CNTN5: variants seen among roughly 807,000 people sequenced by gnomAD.
CNTN5 encodes contactin 5.
CNTN5 carries 77 observed loss-of-function variants against 129.1 expected under a neutral mutation model. The ratio of observed to expected loss-of-function variants is 0.60; its 90% CI spans 0.50 to 0.72. The LOEUF is 0.72. Ranked by LOEUF, CNTN5 falls within the 30% of genes least tolerant of loss-of-function variation. The pLI is 0.00. For missense variants in CNTN5, 1,478 were observed against 1,328.8 expected (o/e 1.11, Z -1.75); for synonymous variants, 509 against 465.6 (o/e 1.09, Z -1.20).
intron 6 of CNTN5, among the ~76,000 whole-genome samples, chr11:99,858,133 G>A (rs1043537136): frequency 2.0e-5 from 3 of 151,910 alleles, no homozygotes; most frequent in African/African-American, 4.8e-5. Context: ...TTTATGTCAC[G>A]CCTCTTAATA....
intron 2 of CNTN5, among the ~76,000 whole-genome samples, chr11:99,505,544 G>A (rs1056299557): frequency 2.6e-5 from 4 of 152,148 alleles, no homozygotes; most frequent in African/African-American, 7.2e-5. Context: ...GGCCCAAATA[G>A]CAATGTTAGA....
intron 23 of CNTN5, among the ~76,000 whole-genome samples, chr11:100,349,844 G>A (rs1952365536): frequency 6.6e-6 from 1 of 151,790 alleles, no homozygotes; most frequent in Non-Finnish European, 1.5e-5. Flanking sequence ...TAGCTCTGAA[G>A]TGATGATCAA....
chr11:99,796,892 C>T (rs1258934606), intron 3 of CNTN5, among the ~76,000 whole-genome samples: 4 of 152,020 alleles, frequency 2.6e-5, no homozygotes, highest in East Asian at 1.9e-4. Context: ...CTCTGGAGGT[C>T]GTGTGGTCTT....
chr11:100,261,612 G>A (rs984583353), intron 17 of CNTN5, among the ~76,000 whole-genome samples: 2 of 152,084 alleles, frequency 1.3e-5, no homozygotes, highest in Admixed American at 6.6e-5. Flanking sequence ...ACCGACCAAT[G>A]GAGCAGAACA....
chr11:99,203,998 A>G (rs78802700), intron 1 of CNTN5, among the ~76,000 whole-genome samples: 533 of 152,350 alleles, frequency 3.5e-3, no homozygotes, highest in African/African-American at 0.012. Flanking sequence ...CATGACTTGA[A>G]AAGATTATAA....
chr11:99,861,248 C>T (rs1472582745), intron 6 of CNTN5, among the ~76,000 whole-genome samples: 2 of 152,172 alleles, frequency 1.3e-5, no homozygotes, highest in Non-Finnish European at 2.9e-5. Context: ...TGAGCCACCA[C>T]ACCTGGCCCT....
intron 2 of CNTN5, among the ~76,000 whole-genome samples, chr11:99,544,337 A>G (rs972608916): frequency 3.3e-5 from 5 of 152,178 alleles, no homozygotes; most frequent in African/African-American, 1.2e-4. Context: ...AGAGGTTACA[A>G]CATCAAACTG....
At chr11:99,505,459 TAG>T (rs1404463566) in intron 2 of CNTN5, among the ~76,000 whole-genome samples, 1 of 152,194 alleles carries the variant, frequency 6.6e-6, no homozygotes, top group East Asian at 1.9e-4. Flanking sequence ...GTGGGAAGAA[TAG>T]AGTTTTTTGA....
chr11:99,848,408 C>T (rs1336692500), intron 6 of CNTN5, among the ~76,000 whole-genome samples: 1 of 151,930 alleles, frequency 6.6e-6, no homozygotes, highest in East Asian at 1.9e-4. Context: ...TTATATCTAC[C>T]AGGCTTTATT....
chr11:100,080,600 G>A (rs1382332427), intron 13 of CNTN5, among the ~76,000 whole-genome samples: 1 of 152,070 alleles, frequency 6.6e-6, no homozygotes, highest in Non-Finnish European at 1.5e-5. Flanking sequence ...TTTTATCTAT[G>A]GAAGAAGAAT....
At chr11:99,170,132 G>T (rs945474803) in intron 1 of CNTN5, among the ~76,000 whole-genome samples, 1 of 151,746 alleles carries the variant, frequency 6.6e-6, no homozygotes, top group Non-Finnish European at 1.5e-5. Flanking sequence ...TATATTATAG[G>T]TTACTAATAT....
intron 7 of CNTN5, among the ~76,000 whole-genome samples, chr11:99,933,634 G>T (rs1016636237): frequency 6.6e-6 from 1 of 152,168 alleles, no homozygotes; most frequent in African/African-American, 2.4e-5. Flanking sequence ...TGAGATTCAG[G>T]CATGTTGCTG....
chr11:99,530,226 T>A (rs1463551686), intron 2 of CNTN5, among the ~76,000 whole-genome samples: 1 of 152,182 alleles, frequency 6.6e-6, no homozygotes, highest in Non-Finnish European at 1.5e-5. Context: ...TTACTGTATT[T>A]CTCTCCTTAA....
chr11:99,402,705 C>T (rs565985714), intron 2 of CNTN5, among the ~76,000 whole-genome samples: 3 of 152,190 alleles, frequency 2.0e-5, no homozygotes, highest in East Asian at 3.9e-4. Flanking sequence ...GGATTCTGAG[C>T]TTTTCTTTAC....
Position 99,691,601 on chromosome 11 carries a change from G to A in CNTN5, c.56-127943G>A, listed in dbSNP as rs1397029318. 2.0e-5 allele frequency among the ~76,000 whole-genome samples: 3 copies of A among 152,240 alleles called. No homozygotes were observed. In the East Asian group the frequency reaches 5.8e-4, roughly 29 times the overall value. On this transcript the variant is annotated intron_variant, in intron 3 of 24. Transcript: ENST00000524871. ...TCTTGAGTTCTAATTTGATTGCACT[G>A]TGGTCTAAGCAACTGTTTGTTATGA...
At chr11:99,542,602 T>C (rs551945021) in intron 2 of CNTN5, among the ~76,000 whole-genome samples, 4 of 152,304 alleles carry the variant, frequency 2.6e-5, no homozygotes, top group Admixed American at 2.0e-4. Context: ...TACTACTAGA[T>C]GCCAGTAGCA....
rs147987045 is a variant in CNTN5, at chr11:99,316,012, A to C, written c.-209-9334A>C. On this transcript the variant is annotated intron_variant, in intron 1 of 24. Coordinates refer to ENST00000524871, the MANE Select transcript of CNTN5 (RefSeq NM_014361.4). ...GCAAATATGGAAAGTGGCTGTGGGA[A>C]GTAAAGCCCCTGGTAGTTGTTCTTT... Among the ~76,000 whole-genome samples, 1,049 of 152,248 alleles carry C rather than the reference A, an allele frequency of 6.9e-3. 18 individuals are homozygous for C. Among genetic ancestry groups the C allele is most frequent in the African/African-American group, 0.024 (1,002 of 41,548 alleles).
At chr11:99,265,207 G>A (rs1862830949) in intron 1 of CNTN5, among the ~76,000 whole-genome samples, 1 of 112,216 alleles carries the variant, frequency 8.9e-6, no homozygotes, top group Non-Finnish European at 1.9e-5. Flanking sequence ...GAATAATATT[G>A]CAGAAAAAAT....
intron 1 of CNTN5, among the ~76,000 whole-genome samples, chr11:99,303,033 C>T (rs1864713277): frequency 6.6e-6 from 1 of 151,462 alleles, no homozygotes; most frequent in South Asian, 2.1e-4. Flanking sequence ...TTTCATAGCT[C>T]TTAGGAGATA....
Sources: gnomAD v4.1 joint callset for allele counts (sites outside exome capture counted in the v4.1 genomes callset) on GRCh38, gnomAD v4.1.1 for gene constraint, MANE v1.5 for transcripts, NCBI Gene and HGNC (gene_info 2026-07-23, HGNC 2026-07-21) for gene names.